The following KCNH7 variants were observed in gnomAD, a reference collection of about 807,000 sequenced individuals.
KCNH7 encodes potassium voltage-gated channel subfamily H member 7.
KCNH7 carries 49 observed loss-of-function variants against 120.8 expected under a neutral mutation model. The ratio of observed to expected loss-of-function variants is 0.41; its 90% CI spans 0.32 to 0.51. The LOEUF is 0.51. Among genes scored for constraint, KCNH7 ranks in the 20% least tolerant of loss-of-function variants. The pLI, the probability that KCNH7 is intolerant of heterozygous loss-of-function variation, is 0.38. For synonymous variants in KCNH7, 547 were observed against 516.1 expected, an observed-to-expected ratio of 1.06 and a Z score of -0.81; for missense variants, 1,097 against 1,446.6, an observed-to-expected ratio of 0.76 and a Z score of 3.92.
intron 2 of KCNH7, among the ~76,000 whole-genome samples, chr2:162,788,214 G>A (rs1683784878): frequency 6.6e-6 from 1 of 152,126 alleles, no homozygotes; most frequent in East Asian, 1.9e-4. Context: ...GTTGACTTAT[G>A]ACTTTTTTAC....
At chr2:162,751,553 T>C (rs541016977) in intron 2 of KCNH7, among the ~76,000 whole-genome samples, 1 of 152,006 alleles carries the variant, frequency 6.6e-6, no homozygotes, top group African/African-American at 2.4e-5. Context: ...ATCTCAAAAA[T>C]GTTAAAAAGA....
At chr2:162,470,889 T>C (rs1689501294) in intron 6 of KCNH7, among the ~76,000 whole-genome samples, 1 of 152,240 alleles carries the variant, frequency 6.6e-6, no homozygotes, top group African/African-American at 2.4e-5. Context: ...CTTTTCACTT[T>C]GTTCTGTACT....
chr2:162,607,526 G>C (rs1386583670), intron 2 of KCNH7, among the ~76,000 whole-genome samples: 1 of 152,030 alleles, frequency 6.6e-6, no homozygotes, highest in African/African-American at 2.4e-5. Context: ...TAGGAAAATA[G>C]GGTTTTTGAA....
At chr2:162,527,152 G>A (rs1691736080) in intron 3 of KCNH7, among the ~76,000 whole-genome samples, 1 of 151,844 alleles carries the variant, frequency 6.6e-6, no homozygotes, top group South Asian at 2.1e-4. Context: ...AAAATTTTTT[G>A]CAACTCTGAG....
chr2:162,733,486 G>A (rs1441542466), intron 2 of KCNH7, among the ~76,000 whole-genome samples: 1 of 152,182 alleles, frequency 6.6e-6, no homozygotes, highest in Non-Finnish European at 1.5e-5. Context: ...TTTTCCCTCA[G>A]CCAAGGGATC....
chr2:162,593,253 T>G (rs1266324184), intron 2 of KCNH7, among the ~76,000 whole-genome samples: 1 of 152,098 alleles, frequency 6.6e-6, no homozygotes, highest in African/African-American at 2.4e-5. Context: ...GTGGAAGTTA[T>G]GTTTAAGAAT....
intron 2 of KCNH7, among the ~76,000 whole-genome samples, chr2:162,636,087 G>GTA (rs888088489): frequency 2.6e-5 from 4 of 151,992 alleles, no homozygotes; most frequent in Non-Finnish European, 5.9e-5. Context: ...TGCATAAAAT[G>GTA]TATCCCTTCC....
At chr2:162,485,599 T>G (rs1345935830) in intron 6 of KCNH7, among the ~76,000 whole-genome samples, 1 of 152,180 alleles carries the variant, frequency 6.6e-6, no homozygotes, top group African/African-American at 2.4e-5. Context: ...TCTTTCTTTA[T>G]TGAAAACACA....
intron 2 of KCNH7, among the ~76,000 whole-genome samples, chr2:162,820,958 C>T (rs1685099106): frequency 6.6e-6 from 1 of 152,136 alleles, no homozygotes; most frequent in Non-Finnish European, 1.5e-5. Flanking sequence ...TAACTTGCTG[C>T]TTTAATGCTA....
At chr2:162,640,142 A>T (rs147212883) in intron 2 of KCNH7, among the ~76,000 whole-genome samples, 127 of 152,304 alleles carry the variant, frequency 8.3e-4, no homozygotes, top group African/African-American at 2.9e-3. Context: ...TACCGGTTTA[A>T]CACAATTCTT....
At chr2:162,605,426 C>T (rs13406723) in intron 2 of KCNH7, among the ~76,000 whole-genome samples, 14 of 152,010 alleles carry the variant, frequency 9.2e-5, no homozygotes, top group African/African-American at 3.4e-4. Flanking sequence ...CAAGATAAAC[C>T]ATTTCAGAGA....
chr2:162,429,004 A>G (rs962458416), intron 8 of KCNH7, among the ~76,000 whole-genome samples: 1 of 151,864 alleles, frequency 6.6e-6, no homozygotes, highest in African/African-American at 2.4e-5. Context: ...AATTATTGAT[A>G]TATTTGGGTT....
chr2:162,372,011 C>A lies in KCNH7; in HGVS notation c.3409G>T (p.Glu1137Ter), dbSNP rs762674054. 1.2e-6 allele frequency: 2 copies of A among 1,613,744 alleles called. No homozygotes were observed. Among genetic ancestry groups the A allele is most frequent in the South Asian group, 2.2e-5 (2 of 91,068 alleles). ...SSGVHLNTAS[E>*]DNLTSLLKQD... The stretch of plus-strand genomic sequence containing the variant: ...TTTAAAAGTGAAGTCAAGTTGTCTT[C>A]TGAAGCTGTGTTCAGATGCACCCCA... The change falls in exon 16 of 16, where the codon GAA (glutamate) becomes TAA (stop). Residue 1137 changes from glutamate (E) to a stop codon, truncating the protein, a stop_gained. Coordinates refer to ENST00000332142, the MANE Select transcript of KCNH7 (RefSeq NM_033272.4). LOFTEE classifies it high-confidence loss of function.
intron 2 of KCNH7, among the ~76,000 whole-genome samples, chr2:162,789,079 CCAAA>C (rs1345549617): frequency 1.3e-5 from 2 of 151,022 alleles, no homozygotes; most frequent in African/African-American, 4.8e-5. Flanking sequence ...AGATACTTTC[CCAAA>C]CAAAGACTGA....
chr2:162,651,397 T>C (rs1403661591), intron 2 of KCNH7, among the ~76,000 whole-genome samples: 3 of 151,816 alleles, frequency 2.0e-5, no homozygotes, highest in Non-Finnish European at 4.4e-5. Flanking sequence ...TCAGTGTCTG[T>C]TGTTCCCTTC....
intron 5 of KCNH7, among the ~76,000 whole-genome samples, chr2:162,510,032 A>C (rs1456505770): frequency 6.6e-6 from 1 of 151,636 alleles, no homozygotes; most frequent in African/African-American, 2.4e-5. Flanking sequence ...AGTTGGAGGT[A>C]AAAATTAATA....
intron 2 of KCNH7, among the ~76,000 whole-genome samples, chr2:162,599,729 T>C (rs556846344): frequency 5.9e-5 from 9 of 152,226 alleles, no homozygotes; most frequent in Admixed American, 2.6e-4. Flanking sequence ...TACTTTTTCA[T>C]TGGTTTATTA....
In KCNH7 at chr2:162,819,194, T is replaced by G. The variant is rs377508572; in HGVS notation, c.307+17343A>C. Among the ~76,000 whole-genome samples, 10 of 152,236 alleles carry G rather than the reference T, an allele frequency of 6.6e-5. No homozygotes were observed. The East Asian group carries it at 9.6e-4, about 15-fold the overall frequency. Reference sequence around the variant, plus strand: ...GACAATATGAGGAAATTGGAAAAATTTATAGAGTCTATTAGATAATAGTAT... The same window carrying G: ...GACAATATGAGGAAATTGGAAAAATGTATAGAGTCTATTAGATAATAGTAT... On this transcript the variant is annotated intron_variant, in intron 2 of 15. Transcript: ENST00000332142.
intron 2 of KCNH7, among the ~76,000 whole-genome samples, chr2:162,634,947 C>G (rs2105224832): frequency 6.6e-6 from 1 of 152,110 alleles, no homozygotes; most frequent in East Asian, 1.9e-4. Context: ...AAATATAGCA[C>G]CACACTGTCT....
Sources: gnomAD v4.1 joint callset for allele counts (sites outside exome capture counted in the v4.1 genomes callset) on GRCh38, gnomAD v4.1.1 for gene constraint, MANE v1.5 for transcripts, NCBI Gene and HGNC (gene_info 2026-07-23, HGNC 2026-07-21) for gene names.